UTRN: variants seen among roughly 807,000 people sequenced by gnomAD.
UTRN encodes utrophin, also known as dystrophin-related protein 1.
A neutral mutation model predicts 463.9 loss-of-function variants in UTRN; 283 were observed. That is an observed-to-expected ratio of 0.61 (90% CI 0.55 to 0.67). The LOEUF (loss-of-function observed/expected upper bound fraction) is 0.67, where lower values mean the gene tolerates loss of function less well. Ranked by LOEUF, UTRN falls within the 30% of genes least tolerant of loss-of-function variation. UTRN has a pLI of 0.00. For synonymous variants in UTRN, 1,442 were observed against 1,431.5 expected (o/e 1.01, Z -0.17); for missense variants, 3,922 against 4,084.3 (o/e 0.96, Z 1.08).
intron 29 of UTRN, among the ~76,000 whole-genome samples, 158 bp downstream of exon 29, chr6:144,487,855 A>G (rs1792625703): frequency 6.6e-6 from 1 of 152,214 alleles, no homozygotes; most frequent in Non-Finnish European, 1.5e-5. Flanking sequence ...TGAAATATTC[A>G]GAAAGGAAGA....
At chr6:144,551,463 G>C (rs1479743814) in intron 48 of UTRN, among the ~76,000 whole-genome samples, 2 of 152,154 alleles carry the variant, frequency 1.3e-5, no homozygotes, top group Non-Finnish European at 2.9e-5. Context: ...AGGTCTTACT[G>C]TGTCTTTTAA....
At chr6:144,567,048 G>A (rs1353141089) in intron 50 of UTRN, among the ~76,000 whole-genome samples, 3 of 152,168 alleles carry the variant, frequency 2.0e-5, no homozygotes, top group African/African-American at 7.2e-5. Flanking sequence ...TAGGGAGGCT[G>A]AGGTGGTAGG....
At chr6:144,643,120 G>A (rs1037749968) in intron 51 of UTRN, among the ~76,000 whole-genome samples, 4 of 151,966 alleles carry the variant, frequency 2.6e-5, no homozygotes, top group African/African-American at 7.3e-5. Context: ...AAAACCTACC[G>A]GTGCATGAGA....
intron 49 of UTRN, among the ~76,000 whole-genome samples, chr6:144,555,168 C>T (rs535212094): frequency 2.0e-5 from 3 of 152,270 alleles, no homozygotes; most frequent in Non-Finnish European, 2.9e-5. Context: ...AGAAAGAGAA[C>T]ACTTTCAAGA....
chr6:144,479,797 G>A lies in UTRN; in HGVS notation c.3337-15G>A. The A allele has an allele frequency of 1.2e-6, 2 of 1,606,770 alleles. No individual in the cohort carries two copies. The highest frequency in any genetic ancestry group is 2.2e-5 in the South Asian group (2 of 89,950). ...TAACATTTGTTTATTTGGGGGAATG[G>A]CTTTTCCTTTGTAGATCGCTACTCA... On this transcript the variant is annotated splice_polypyrimidine_tract_variant and intron_variant, in intron 25 of 74. Transcript: ENST00000367545.
At chr6:144,585,932 A>C (rs1295074062) in intron 51 of UTRN, among the ~76,000 whole-genome samples, 1 of 152,138 alleles carries the variant, frequency 6.6e-6, no homozygotes, top group Non-Finnish European at 1.5e-5. Context: ...AAAATGTGGC[A>C]TAATCTGAGG....
chr6:144,408,031 G>A (rs1353876326), intron 3 of UTRN, among the ~76,000 whole-genome samples: 1 of 152,172 alleles, frequency 6.6e-6, no homozygotes, highest in East Asian at 1.9e-4. Flanking sequence ...CATTTCCATA[G>A]CCATAAGACG....
rs751744161 is a variant in UTRN at position 144,511,060 on chromosome 6, C to T, written c.4881C>T (p.Cys1627=). 4.3e-6 allele frequency: 7 copies of T among 1,611,682 alleles called. No homozygotes were observed. The highest frequency in any genetic ancestry group is 3.3e-5 in the South Asian group (3 of 90,838). The change falls in exon 35 of 75, where the codon TGC becomes TGT. Residue 1627 remains cysteine (C), a synonymous_variant. Coordinates refer to ENST00000367545, the MANE Select transcript of UTRN (RefSeq NM_007124.3). ...GSEPILEERL[C]VLNAGWSRVR... is the part of the protein sequence containing the mutation. ...AGCCTATTTTAGAAGAGAGGCTCTG[C>T]GTCCTTAACGCTGGGTGGAGCCGAG...
At position 144,820,292 on chromosome 6, in the gene UTRN, TA is replaced by T. The variant is rs372006146; in HGVS notation, c.9358-589del. Among the ~76,000 whole-genome samples, 334 of 152,258 alleles carry T rather than the reference TA, an allele frequency of 2.2e-3. 3 individuals carry two copies. Among genetic ancestry groups the T allele is most frequent in the African/African-American group, 7.7e-3 (320 of 41,556 alleles). On this transcript the variant is annotated intron_variant, in intron 65 of 74. Transcript: ENST00000367545. ...AAAAATGTAGTTCAGGTAAAATAATTATATGTCTGCATAGTTGGGAAAGGAC... is the reference window on the plus strand; with the variant it reads ...AAAAATGTAGTTCAGGTAAAATAATTTATGTCTGCATAGTTGGGAAAGGAC...
chr6:144,545,934 C>T (rs1014736548), intron 46 of UTRN, among the ~76,000 whole-genome samples: 4 of 152,114 alleles, frequency 2.6e-5, no homozygotes, highest in Admixed American at 6.5e-5. Context: ...GCAGGAGAAT[C>T]GCCTGAACCC....
chr6:144,487,163 T>C (rs1256302917), intron 28 of UTRN, among the ~76,000 whole-genome samples: 1 of 151,980 alleles, frequency 6.6e-6, no homozygotes, highest in African/African-American at 2.4e-5. Context: ...TTTAACTTTT[T>C]ATTATTCATT....
intron 51 of UTRN, 112 bp downstream of exon 51, chr6:144,577,400 T>A: frequency 9.2e-7 from 1 of 1,084,380 alleles, no homozygotes; most frequent in East Asian, 2.6e-5. Flanking sequence ...TATTCTCTTA[T>A]GAAATCCGTG....
intron 51 of UTRN, chr6:144,583,446 C>T (rs1562605775): frequency 1.5e-6 from 1 of 680,072 alleles, no homozygotes; most frequent in African/African-American, 1.8e-5. Context: ...GATCGTTGCT[C>T]TTCATTTATA....
chr6:144,826,168 A>ATAAATAAAT (rs80078612), intron 66 of UTRN, among the ~76,000 whole-genome samples: 1 of 151,076 alleles, frequency 6.6e-6, no homozygotes, highest in East Asian at 1.9e-4. Flanking sequence ...GAAAAAATAA[A>ATAAATAAAT]TAAATAAATA....
chr6:144,470,515 A>G (rs9766619), intron 23 of UTRN, among the ~76,000 whole-genome samples: 14,312 of 148,750 alleles, frequency 0.096, 882 homozygotes, highest in African/African-American at 0.18. Flanking sequence ...ATGGGCGGCC[A>G]GGCAGAGATG....
intron 57 of UTRN, among the ~76,000 whole-genome samples, chr6:144,757,255 A>AAAAG (rs59230895): frequency 6.7e-6 from 1 of 149,888 alleles, no homozygotes; most frequent in Non-Finnish European, 1.5e-5. Flanking sequence ...AAAAAAAAAA[A>AAAAG]GTACCTCAAT....
intron 50 of UTRN, among the ~76,000 whole-genome samples, chr6:144,564,167 G>A (rs369817195): frequency 1.4e-4 from 21 of 152,278 alleles, no homozygotes; most frequent in African/African-American, 3.6e-4. Flanking sequence ...TGCAATGTAC[G>A]TAAGTGGTAA....
chr6:144,346,875 CATCT>C (rs5880591), intron 2 of UTRN, among the ~76,000 whole-genome samples: 7,193 of 151,190 alleles, frequency 0.048, 201 homozygotes, highest in South Asian at 0.11. Flanking sequence ...ATCTATGTAT[CATCT>C]ATCTATCTAT....
chr6:144,785,357 G>A (rs1384527500), intron 61 of UTRN, among the ~76,000 whole-genome samples: 1 of 152,220 alleles, frequency 6.6e-6, no homozygotes, highest in Non-Finnish European at 1.5e-5. Flanking sequence ...TCTCAAAGTA[G>A]AAGGATTTGG....
Sources: allele counts gnomAD v4.1 joint callset (sites outside exome capture counted in the v4.1 genomes callset), GRCh38; gene constraint gnomAD v4.1.1; transcripts MANE v1.5; gene names NCBI Gene and HGNC (gene_info 2026-07-23, HGNC 2026-07-21).